The following RIMS1 variants were observed in gnomAD, a reference collection of about 807,000 sequenced individuals.
RIMS1 encodes the protein regulating synaptic membrane exocytosis protein 1.
A neutral mutation model predicts 214.1 loss-of-function variants in RIMS1; 83 were observed. The ratio of observed to expected loss-of-function variants is 0.39; its 90% CI spans 0.32 to 0.47. The LOEUF is 0.47. Among genes scored for constraint, RIMS1 ranks in the 20% least tolerant of loss-of-function variants. RIMS1 has a pLI of 0.99. For missense variants in RIMS1, 2,050 were observed against 2,161.8 expected (o/e 0.95, Z 1.03); for synonymous variants, 793 against 786.8 (o/e 1.01, Z -0.13).
chr6:72,297,810 A>G (rs1346920468), intron 26 of RIMS1, among the ~76,000 whole-genome samples: 1 of 152,056 alleles, frequency 6.6e-6, no homozygotes, highest in African/African-American at 2.4e-5. Context: ...AAAGAATAGA[A>G]GCAAGGTCAA....
chr6:72,178,341 G>T (rs1184766560), intron 4 of RIMS1, among the ~76,000 whole-genome samples: 3 of 151,990 alleles, frequency 2.0e-5, no homozygotes, highest in Non-Finnish European at 4.4e-5. Context: ...TATGGCTACA[G>T]TTACAGTTTT....
At chr6:71,992,805 G>A (rs1802275460) in intron 2 of RIMS1, among the ~76,000 whole-genome samples, 1 of 151,874 alleles carries the variant, frequency 6.6e-6, no homozygotes, top group Admixed American at 6.6e-5. Flanking sequence ...GACTACAGGT[G>A]CACACCACCA....
At chr6:72,262,453 G>T (rs2078464773) in intron 19 of RIMS1, 10 of 985,242 alleles carry the variant, frequency 1.0e-5, no homozygotes, top group East Asian at 1.1e-4. Context: ...ATAAGATAGG[G>T]AGTGGAAGGA....
At chr6:71,950,944 G>T (rs568225507) in intron 1 of RIMS1, among the ~76,000 whole-genome samples, 2 of 152,236 alleles carry the variant, frequency 1.3e-5, no homozygotes, top group Admixed American at 6.5e-5. Context: ...CCTTGACAAA[G>T]AAAGCCAGCA....
At chr6:71,906,916 C>T (rs938063194) in intron 1 of RIMS1, among the ~76,000 whole-genome samples, 2 of 152,260 alleles carry the variant, frequency 1.3e-5, no homozygotes, top group Non-Finnish European at 2.9e-5. Flanking sequence ...GTACTACACA[C>T]TCAGTATTCA....
intron 6 of RIMS1, among the ~76,000 whole-genome samples, chr6:72,211,795 G>A (rs1361757158): frequency 1.3e-5 from 2 of 152,186 alleles, no homozygotes; most frequent in East Asian, 3.9e-4. Flanking sequence ...GATTGTAATA[G>A]GTTTTTATCT....
At position 71,974,519 on chromosome 6, in the gene RIMS1, G is replaced by A. The variant is rs1034595160; in HGVS notation, c.245+5456G>A. 7.9e-5 allele frequency among the ~76,000 whole-genome samples: 12 copies of A among 152,044 alleles called. 1 individual carries two copies. Among genetic ancestry groups the A allele is most frequent in the African/African-American group, 2.9e-4 (12 of 41,360 alleles). On this transcript the variant is annotated intron_variant, in intron 2 of 33. Coordinates refer to ENST00000521978, the MANE Select transcript of RIMS1 (RefSeq NM_014989.7). ...GAGTTATCATGGATTTAAAAAGTCCGAGAAAGACTTGGCTACTCTTCAGTC... is the reference window on the plus strand; with the variant it reads ...GAGTTATCATGGATTTAAAAAGTCCAAGAAAGACTTGGCTACTCTTCAGTC...
At chr6:71,888,014 C>T (rs1231109402) in intron 1 of RIMS1, among the ~76,000 whole-genome samples, 2 of 152,178 alleles carry the variant, frequency 1.3e-5, no homozygotes, top group African/African-American at 2.4e-5. Flanking sequence ...TTGCACTCCT[C>T]CTCACTTCTT....
chr6:71,972,013 T>C (rs149276867), intron 2 of RIMS1, among the ~76,000 whole-genome samples: 7 of 152,124 alleles, frequency 4.6e-5, no homozygotes, highest in Admixed American at 6.6e-5. Flanking sequence ...AGCACTCAGT[T>C]AACTGGGGAA....
intron 1 of RIMS1, among the ~76,000 whole-genome samples, chr6:71,888,928 T>A (rs1768713496): frequency 6.6e-6 from 1 of 152,224 alleles, no homozygotes; most frequent in Non-Finnish European, 1.5e-5. Context: ...GCTTCCCCTC[T>A]TCTGAGACTG....
At chr6:72,275,431 A>T (rs1221504993) in intron 23 of RIMS1, among the ~76,000 whole-genome samples, 1 of 151,936 alleles carries the variant, frequency 6.6e-6, no homozygotes, top group East Asian at 1.9e-4. Flanking sequence ...ATGTATTTGT[A>T]AACAATCAAG....
chr6:72,381,140 C>A (rs1276707062), intron 29 of RIMS1, among the ~76,000 whole-genome samples: 1 of 152,140 alleles, frequency 6.6e-6, no homozygotes, highest in East Asian at 1.9e-4. Context: ...TTCTGAGGCT[C>A]TCTCCTTGGC....
intron 2 of RIMS1, among the ~76,000 whole-genome samples, chr6:71,977,732 A>C (rs1392721708): frequency 1.3e-5 from 2 of 150,770 alleles, no homozygotes; most frequent in East Asian, 3.9e-4. Flanking sequence ...GGTATGTGAA[A>C]TGGTCCTTAT....
intron 6 of RIMS1, among the ~76,000 whole-genome samples, chr6:72,216,262 G>GA (rs545889554): frequency 2.3e-4 from 34 of 149,850 alleles, no homozygotes; most frequent in Admixed American, 4.6e-4. Flanking sequence ...GTCTCAGTGA[G>GA]AAAAAAAAAA....
intron 6 of RIMS1, among the ~76,000 whole-genome samples, chr6:72,224,072 G>C (rs1282573083): frequency 6.6e-6 from 1 of 151,942 alleles, no homozygotes; most frequent in Non-Finnish European, 1.5e-5. Flanking sequence ...GAAGCAGCAT[G>C]ATCCATATGA....
chr6:72,286,991 T>TA (rs2092445385), intron 24 of RIMS1, among the ~76,000 whole-genome samples: 1 of 152,224 alleles, frequency 6.6e-6, no homozygotes, highest in South Asian at 2.1e-4. Context: ...TCAAGCCACT[T>TA]AAAGAAATGT....
intron 4 of RIMS1, among the ~76,000 whole-genome samples, chr6:72,164,419 C>A (rs763899866): frequency 1.7e-4 from 26 of 152,028 alleles, no homozygotes; most frequent in Non-Finnish European, 3.1e-4. Context: ...GTCTGACACT[C>A]CCCAGTGAGA....
intron 5 of RIMS1, among the ~76,000 whole-genome samples, chr6:72,181,688 G>T (rs1037084746): frequency 3.9e-5 from 6 of 152,342 alleles, no homozygotes; most frequent in Middle Eastern, 3.4e-3. Context: ...CAGGAAGAGA[G>T]GTGGCCAGTG....
chr6:72,217,149 A>G (rs1455480653), intron 6 of RIMS1: 2 of 1,534,600 alleles, frequency 1.3e-6, no homozygotes, highest in African/African-American at 2.7e-5. Flanking sequence ...TAATGATTTG[A>G]TGCCAGTGGC....
Sources: gnomAD v4.1 joint callset for allele counts (sites outside exome capture counted in the v4.1 genomes callset) on GRCh38, gnomAD v4.1.1 for gene constraint, MANE v1.5 for transcripts, NCBI Gene and HGNC (gene_info 2026-07-23, HGNC 2026-07-21) for gene names.